LMO3: variants seen among roughly 807,000 people sequenced by gnomAD.
LMO3 encodes the protein LIM domain only 3.
Under a neutral mutation model 15.8 loss-of-function variants are expected in LMO3, and 2 were observed. The ratio of observed to expected loss-of-function variants is 0.13; its 90% CI spans 0.05 to 0.40. The LOEUF (loss-of-function observed/expected upper bound fraction) is 0.40. Ranked by LOEUF, LMO3 falls within the 10% of genes least tolerant of loss-of-function variation. The pLI, the probability that LMO3 is intolerant of heterozygous loss-of-function variation, is 0.99. For synonymous variants in LMO3, 62 were observed against 63.8 expected (o/e 0.97, Z 0.13); for missense variants, 86 against 182.2 (o/e 0.47, Z 3.04).
In LMO3 at chr12:16,598,617, T is replaced by TAA. The variant is rs1855808455; in HGVS notation, c.206+2037_206+2038insTT. The TAA allele has an allele frequency of 6.5e-6, 1 of 153,784 alleles. No homozygotes were observed. 9.5% of individuals were successfully genotyped at this position (153,784 alleles called of 1,614,324 possible). A position where few individuals can be genotyped will look rare whatever the true frequency, so the allele number is the denominator to read the frequency against. On this transcript the variant is annotated intron_variant, in intron 2 of 3. Coordinates refer to ENST00000537304, the MANE Select transcript of LMO3 (RefSeq NM_018640.5). This position sits in a 1 kb window ranked among gnomAD's most constrained non-coding sequence, Gnocchi z 4.3. ...CTACAAAAAGCCACATACACTCTTA[T>TAA]AGAGATACAAAAACTTCTGATATGA...
At chr12:16,552,513 T>C (rs1156865633) in intron 3 of LMO3, among the ~76,000 whole-genome samples, 1 of 152,056 alleles carries the variant, frequency 6.6e-6, no homozygotes, top group Admixed American at 6.5e-5. Flanking sequence ...AGACAAACAG[T>C]GAACCTATTT....
Position 16,550,920 on chromosome 12 carries a change from C to CA in LMO3, c.*301dup. The CA allele has an allele frequency of 4.0e-6, 1 of 249,744 alleles. No individual in the cohort carries two copies. Among genetic ancestry groups the CA allele is most frequent in the South Asian group, 1.1e-4 (1 of 8,892 alleles). The allele number at this position is 249,744 out of a possible 1,614,324, so 15.5% of individuals were successfully genotyped here. On this transcript the variant is annotated 3_prime_UTR_variant, in exon 4 of 4. Coordinates refer to ENST00000537304, the MANE Select transcript of LMO3 (RefSeq NM_018640.5). Reference sequence around the variant, plus strand: ...TATTACATTTGTGCTTCAAATATTACAATACATTATATACAATAGTCCAAA... The same window carrying CA: ...TATTACATTTGTGCTTCAAATATTACAAATACATTATATACAATAGTCCAAA...
chr12:16,607,823 A>C (rs1299820122), upstream of LMO3: 1 of 151,836 alleles, frequency 6.6e-6, no homozygotes, highest in Non-Finnish European at 1.5e-5. Flanking sequence ...ATAAAGAATA[A>C]AGGCACAACA....
chr12:16,555,504 G>C lies in LMO3; in HGVS notation c.333-4177C>G, dbSNP rs1034665200. On this transcript the variant is annotated intron_variant, in intron 3 of 3. Coordinates refer to ENST00000537304, the MANE Select transcript of LMO3 (RefSeq NM_018640.5). The surrounding 1 kb of genome is among the most constrained non-coding windows in gnomAD (Gnocchi z 5.5). ...AACTGTACTACCACTTAAGGTGTGT[G>C]GTCAATAAAAATTGGTTAAGGTAGA... Among the ~76,000 whole-genome samples the C allele has an allele frequency of 1.3e-5, 2 of 152,052 alleles. No individual in the cohort carries two copies. Among genetic ancestry groups the C allele is most frequent in the Non-Finnish European group, 2.9e-5 (2 of 68,010 alleles).
upstream of LMO3, chr12:16,606,197 AT>A (rs370626333): frequency 2.5e-4 from 53 of 207,930 alleles, no homozygotes; most frequent in South Asian, 8.3e-4. Context: ...GGGAATGTCT[AT>A]TTTTTTTTAA....
Position 16,604,054 on chromosome 12 carries a change from G to C in LMO3, c.-9+2012C>G, listed in dbSNP as rs986313670. Among the ~76,000 whole-genome samples, 3 of 152,166 alleles carry C rather than the reference G, an allele frequency of 2.0e-5. No individual in the cohort carries two copies. The highest frequency in any genetic ancestry group is 2.0e-4 in the Admixed American group (3 of 15,284). On this transcript the variant is annotated intron_variant, in intron 1 of 3. Coordinates refer to ENST00000537304, the MANE Select transcript of LMO3 (RefSeq NM_018640.5). This position sits in a 1 kb window ranked among gnomAD's most constrained non-coding sequence, Gnocchi z 5.3. ...AAATGGGAATGCAGGTTCTGCAGCT[G>C]GGAGCATTGACACAGATTAAAAGAA...
rs1375575052 is a variant in LMO3 at position 16,587,549 on chromosome 12, T to C, written c.206+13106A>G. ...CTGGCCTTGAGTTTTGGCCCCTTAA[T>C]AGTAGCCTACATGGTTGACTACCCT... On this transcript the variant is annotated intron_variant, in intron 2 of 3. Coordinates refer to ENST00000537304, the MANE Select transcript of LMO3 (RefSeq NM_018640.5). The surrounding 1 kb of genome is among the most constrained non-coding windows in gnomAD (Gnocchi z 4.3). Among the ~76,000 whole-genome samples the C allele has an allele frequency of 2.0e-5, 3 of 152,158 alleles. No homozygotes were observed. Among genetic ancestry groups the C allele is most frequent in the African/African-American group, 4.8e-5 (2 of 41,458 alleles).
In LMO3 at chr12:16,555,426, C is replaced by T. The variant is rs1359690853; in HGVS notation, c.333-4099G>A. On this transcript the variant is annotated intron_variant, in intron 3 of 3. Coordinates refer to ENST00000537304, the MANE Select transcript of LMO3 (RefSeq NM_018640.5). This position sits in a 1 kb window ranked among gnomAD's most constrained non-coding sequence, Gnocchi z 5.5. ...TTTGCCATTATAGTCAGCAGTTCTG[C>T]GGTAAATGACCACGAGTTATATTTC... Among the ~76,000 whole-genome samples the T allele has an allele frequency of 2.0e-5, 3 of 152,252 alleles. No individual in the cohort carries two copies. Among genetic ancestry groups the T allele is most frequent in the Middle Eastern group, 3.4e-3 (1 of 294 alleles).
chr12:16,594,055 A>G, intron 2 of LMO3: 1 of 1,278,540 alleles, frequency 7.8e-7, no homozygotes, highest in South Asian at 1.4e-5. Context: ...ATATCCTGTA[A>G]GAATAGATGA....
At chr12:16,602,804 A>G (rs1943864822) in intron 1 of LMO3, among the ~76,000 whole-genome samples, 1 of 152,204 alleles carries the variant, frequency 6.6e-6, no homozygotes, top group Admixed American at 6.5e-5. Flanking sequence ...GTGCCTGTTA[A>G]CCACATATCT....
upstream of LMO3, chr12:16,606,449 T>C (rs1944006410): frequency 6.6e-6 from 1 of 152,362 alleles, no homozygotes; most frequent in African/African-American, 2.4e-5. Context: ...ACTCAGTTAT[T>C]AGTGAGCCGG....
chr12:16,554,901 G>T (rs1447984876), intron 3 of LMO3, among the ~76,000 whole-genome samples: 4 of 151,954 alleles, frequency 2.6e-5, no homozygotes, highest in Admixed American at 1.3e-4. Flanking sequence ...CTCGTGATCC[G>T]CCCGCCCGCC....
chr12:16,553,660 G>A (rs890257166), intron 3 of LMO3, among the ~76,000 whole-genome samples: 9 of 152,094 alleles, frequency 5.9e-5, no homozygotes, highest in Non-Finnish European at 1.3e-4. Context: ...AGCCTTGAAA[G>A]CTGTGGTTAA....
chr12:16,590,330 G>T (rs2052769286), intron 2 of LMO3, among the ~76,000 whole-genome samples: 1 of 151,992 alleles, frequency 6.6e-6, no homozygotes, highest in South Asian at 2.1e-4. Context: ...GTCTCATCAA[G>T]AATGTAATTC....
Position 16,576,588 on chromosome 12 carries a change from C to T in LMO3, c.207-16050G>A, listed in dbSNP as rs1943002511. ...TTTCAGAATCTGTATCAGTTACGTA[C>T]CTGTTTGTCTCTTTCTCACTACATA... is the stretch of plus-strand genomic sequence containing the variant. On this transcript the variant is annotated intron_variant, in intron 2 of 3. Transcript: ENST00000537304. This position sits in a 1 kb window ranked among gnomAD's most constrained non-coding sequence, Gnocchi z 4.1. Among the ~76,000 whole-genome samples the T allele has an allele frequency of 6.6e-6, 1 of 152,166 alleles. No homozygotes were observed. The highest frequency in any genetic ancestry group is 2.4e-5 in the African/African-American group (1 of 41,446).
rs575239003 is a variant in LMO3, at chr12:16,601,393, A to C, written c.-8-525T>G. On this transcript the variant is annotated intron_variant, in intron 1 of 3. Transcript: ENST00000537304. ...TTCAGCAGTAGAGGTGTTTATAGTT[A>C]AGTACACAGAACAGCTACCCAAAAA... Among the ~76,000 whole-genome samples the C allele has an allele frequency of 2.8e-4, 43 of 152,310 alleles. No individual in the cohort carries two copies. In the South Asian group the frequency reaches 8.9e-3, roughly 32 times the overall value.
intron 2 of LMO3, among the ~76,000 whole-genome samples, chr12:16,563,227 G>C (rs907120284): frequency 6.6e-6 from 1 of 152,106 alleles, no homozygotes; most frequent in African/African-American, 2.4e-5. Flanking sequence ...CTAATTTACT[G>C]CAAAGCGATG....
At position 16,559,994 on chromosome 12, in the gene LMO3, A is replaced by T. The variant is rs1162992323; in HGVS notation, c.332+419T>A. On this transcript the variant is annotated intron_variant, in intron 3 of 3. Transcript: ENST00000537304. The surrounding 1 kb of genome is among the most constrained non-coding windows in gnomAD (Gnocchi z 4.1). ...AAAAACAAAAACATGAGGGATAAGG[A>T]ATTTAAAATATAAAAAATAATAAGA... Among the ~76,000 whole-genome samples, 1 of 152,046 alleles carries T rather than the reference A, an allele frequency of 6.6e-6. No individual in the cohort carries two copies. The highest frequency in any genetic ancestry group is 1.5e-5 in the Non-Finnish European group (1 of 68,010).
intron 2 of LMO3, among the ~76,000 whole-genome samples, chr12:16,578,394 G>A (rs959047967): frequency 6.6e-5 from 10 of 152,172 alleles, no homozygotes; most frequent in Non-Finnish European, 1.2e-4. Flanking sequence ...AGAAAGGGGA[G>A]GGGTCAGGTA....
Sources: gnomAD v4.1 joint callset for allele counts (sites outside exome capture counted in the v4.1 genomes callset) on GRCh38, gnomAD v4.1.1 for gene constraint, Gnocchi (gnomAD v3.1) non-coding constraint, MANE v1.5 for transcripts, NCBI Gene and HGNC (gene_info 2026-07-23, HGNC 2026-07-21) for gene names.